Variants in KDM2B observed in about 807,000 individuals in gnomAD.
The protein encoded by KDM2B is lysine-specific demethylase 2B.
Under a neutral mutation model 150.0 loss-of-function variants are expected in KDM2B, and 26 were observed. The observed-to-expected ratio is 0.17, with a 90% CI of 0.13 to 0.24. The LOEUF (loss-of-function observed/expected upper bound fraction) is 0.24, where lower values mean the gene tolerates loss of function less well. Ranked by LOEUF, KDM2B falls within the 10% of genes least tolerant of loss-of-function variation. The probability of loss-of-function intolerance (pLI) is 1.00; values close to 1 mark genes in which losing one functional copy is unlikely to be tolerated. For synonymous variants in KDM2B, 734 were observed against 729.5 expected, an observed-to-expected ratio of 1.01 and a Z score of -0.10; for missense variants, 1,265 against 1,816.9, an observed-to-expected ratio of 0.70 and a Z score of 5.52.
At chr12:121,425,902 G>A (rs1287453384), downstream of KDM2B, among the ~76,000 whole-genome samples, 1 of 151,866 alleles carries the variant, frequency 6.6e-6, no homozygotes, top group Non-Finnish European at 1.5e-5. Context: ...AAGTAGCTGG[G>A]ACTACAGGCA....
At chr12:121,426,737 T>C (rs1872532322), downstream of KDM2B, among the ~76,000 whole-genome samples, 4 of 151,702 alleles carry the variant, frequency 2.6e-5, no homozygotes, top group South Asian at 8.3e-4. Context: ...GTGATTCTTC[T>C]GCCTTTTCCT....
Position 121,463,363 on chromosome 12 carries a change from A to G in KDM2B, c.1735-10019T>C, listed in dbSNP as rs1267816988. Among the ~76,000 whole-genome samples the G allele has an allele frequency of 2.0e-5, 3 of 152,168 alleles. No homozygotes were observed. The South Asian group carries it at 6.2e-4, about 31-fold the overall frequency. ...CAAATACCTAATGCATGTGGGGCTT[A>G]AAACCTAGATGATGGGTTGATAGGT... On this transcript the variant is annotated intron_variant, in intron 12 of 22. Coordinates refer to ENST00000377071, the MANE Select transcript of KDM2B (RefSeq NM_032590.5).
rs782741776 is a variant in KDM2B at position 121,494,685 on chromosome 12, C to A, written c.1648-20G>T. 2.5e-6 allele frequency: 4 copies of A among 1,590,684 alleles called. No homozygotes were observed. In the East Asian group the frequency reaches 9.1e-5, roughly 36 times the overall value. ...GACGTTCTGTGGCCAAACAAAGCATCCATATTAGCCCAGGGGGAAGGGGAG... is the reference window on the plus strand; with the variant it reads ...GACGTTCTGTGGCCAAACAAAGCATACATATTAGCCCAGGGGGAAGGGGAG... On this transcript the variant is annotated intron_variant, in intron 11 of 22. Transcript: ENST00000377071.
intron 12 of KDM2B, among the ~76,000 whole-genome samples, chr12:121,454,027 C>A (rs1316860372): frequency 6.6e-6 from 1 of 152,066 alleles, no homozygotes; most frequent in Non-Finnish European, 1.5e-5. Flanking sequence ...CAACCCCACC[C>A]CCGCCCAAGC....
intron 22 of KDM2B, among the ~76,000 whole-genome samples, chr12:121,439,381 T>A (rs1206514953): frequency 1.7e-5 from 1 of 59,378 alleles, no homozygotes; most frequent in African/African-American, 3.4e-5. Flanking sequence ...CAATGGTAAC[T>A]TTTTTTTTTT....
intron 13 of KDM2B, among the ~76,000 whole-genome samples, chr12:121,449,483 G>A (rs528416009): frequency 5.3e-5 from 8 of 152,232 alleles, no homozygotes; most frequent in South Asian, 2.1e-4. Flanking sequence ...AGTAGGAGAC[G>A]TAGAAAAATG....
chr12:121,436,452 C>T (rs942912212), intron 22 of KDM2B, among the ~76,000 whole-genome samples: 5 of 150,056 alleles, frequency 3.3e-5, no homozygotes, highest in Admixed American at 6.7e-5. Context: ...ACCTGGGAGG[C>T]GGAGCTTGTA....
downstream of KDM2B, among the ~76,000 whole-genome samples, chr12:121,426,220 A>G (rs1431055956): frequency 6.6e-6 from 1 of 152,220 alleles, no homozygotes; most frequent in African/African-American, 2.4e-5. Flanking sequence ...AGATTTGTGT[A>G]TTAAGTTTTA....
At chr12:121,512,154 G>A (rs1226235240) in intron 10 of KDM2B, among the ~76,000 whole-genome samples, 7 of 152,088 alleles carry the variant, frequency 4.6e-5, no homozygotes, top group African/African-American at 1.4e-4. Context: ...TGATCATAGC[G>A]GCTCTCACGC....
intron 12 of KDM2B, among the ~76,000 whole-genome samples, chr12:121,477,085 C>A (rs1207261444): frequency 2.6e-5 from 4 of 152,078 alleles, no homozygotes; most frequent in Non-Finnish European, 5.9e-5. Flanking sequence ...TAATTTGAAT[C>A]TTGTAGAGAC....
At chr12:121,488,249 A>C (rs1882987424) in intron 12 of KDM2B, among the ~76,000 whole-genome samples, 1 of 152,108 alleles carries the variant, frequency 6.6e-6, no homozygotes, top group Non-Finnish European at 1.5e-5. Context: ...CCTCTAAACC[A>C]TTCAGCCCCT....
chr12:121,570,322 G>C (rs1405689370), intron 4 of KDM2B, among the ~76,000 whole-genome samples: 1 of 152,038 alleles, frequency 6.6e-6, no homozygotes, highest in Non-Finnish European at 1.5e-5. Flanking sequence ...AAAGTGCTGG[G>C]ATTCCAAGCG....
At position 121,442,179 on chromosome 12, in the gene KDM2B, C is replaced by G; in HGVS notation, c.3262G>C (p.Val1088Leu). 1 of 1,613,660 alleles carries G rather than the reference C, an allele frequency of 6.2e-7. No individual in the cohort carries two copies. Among genetic ancestry groups the G allele is most frequent in the East Asian group, 2.2e-5 (1 of 44,878 alleles). ...CACCAGCGGTTCCAGGTCCTGCAGA[C>G]CCGCATGCACACACACAGGTCTTGG... is the stretch of plus-strand genomic sequence containing the variant. ...SHQDLCVCMR[V>L]CRTWNRWCCD... Residue 1088 changes from valine to leucine, a missense_variant, in exon 19 of 23, where the codon GTC (valine) becomes CTC (leucine). Coordinates refer to ENST00000377071, the MANE Select transcript of KDM2B (RefSeq NM_032590.5). The surrounding 1 kb of genome is among the most constrained non-coding windows in gnomAD (Gnocchi z 7.7).
chr12:121,467,323 C>T lies in KDM2B; in HGVS notation c.1735-13979G>A. ...CCTGGCTCGGGCTCGGGCTCGGGCT[C>T]GGGCTCCCGCTGCCGCGAGGAGGGA... On this transcript the variant is annotated intron_variant, in intron 12 of 22. Coordinates refer to ENST00000377071, the MANE Select transcript of KDM2B (RefSeq NM_032590.5). The surrounding 1 kb of genome is among the most constrained non-coding windows in gnomAD (Gnocchi z 5.1). The T allele has an allele frequency of 1.0e-6, 1 of 982,524 alleles. No homozygotes were observed. Among genetic ancestry groups the T allele is most frequent in the Non-Finnish European group, 1.2e-6 (1 of 828,960 alleles). The allele number at this position is 982,524 out of a possible 1,614,324, so 60.9% of individuals were successfully genotyped here.
chr12:121,565,074 C>A lies in KDM2B; in HGVS notation c.397+9473G>T, dbSNP rs1281765107. Among the ~76,000 whole-genome samples the A allele has an allele frequency of 2.6e-5, 4 of 152,028 alleles. No homozygotes were observed. The East Asian group carries it at 7.7e-4, about 29-fold the overall frequency. ...TCTCAAACTCCTAGACTCAAGCGAT[C>A]CTCCCTCCTAGGTCTCCGAAAGTGC... On this transcript the variant is annotated intron_variant, in intron 4 of 22. Transcript: ENST00000377071.
At chr12:121,448,319 C>CA (rs57261158) in intron 13 of KDM2B, among the ~76,000 whole-genome samples, 1,401 of 50,864 alleles carry the variant, frequency 0.028, 65 homozygotes, top group Middle Eastern at 0.067. Flanking sequence ...GACTCTGTCT[C>CA]AAAAAAAAAA....
chr12:121,527,348 TA>T (rs1466503742), intron 8 of KDM2B, among the ~76,000 whole-genome samples: 200 of 10,616 alleles, frequency 0.019, 7 homozygotes, highest in Non-Finnish European at 5.6e-3. Flanking sequence ...GTGCCCAGCC[TA>T]AAAAAAAATT....
chr12:121,453,378 G>T lies in KDM2B; in HGVS notation c.1735-34C>A, dbSNP rs1555292142. 6 of 1,506,628 alleles carry T rather than the reference G, an allele frequency of 4.0e-6. No individual in the cohort carries two copies. Among genetic ancestry groups the T allele is most frequent in the Non-Finnish European group, 4.5e-6 (5 of 1,115,724 alleles). The allele number at this position is 1,506,628 out of a possible 1,614,324, so 93.3% of individuals were successfully genotyped here. A position where few individuals can be genotyped will look rare whatever the true frequency, so the allele number is the denominator to read the frequency against. ...GAACAGACACGACTGGTCAGATGGG[G>T]AGACTGCAGGCACGGCCAGACCCCC... On this transcript the variant is annotated intron_variant, in intron 12 of 22. Transcript: ENST00000377071. This position sits in a 1 kb window ranked among gnomAD's most constrained non-coding sequence, Gnocchi z 6.4.
Position 121,444,119 on chromosome 12 carries a change from A to G in KDM2B, c.2344T>C (p.Ser782Pro), listed in dbSNP as rs1555289438. 1 of 1,613,434 alleles carries G rather than the reference A, an allele frequency of 6.2e-7. No individual in the cohort carries two copies. Among genetic ancestry groups the G allele is most frequent in the South Asian group, 1.1e-5 (1 of 91,086 alleles). Reference protein sequence around the residue: ...EAPRRRSDEHSKKVPPDGLLR... With the variant: ...EAPRRRSDEHPKKVPPDGLLR... ...AGGCCGTCCGGCGGCACCTTCTTCG[A>G]GTGCTCATCCGACCTGCGCCGGGGC... The change falls in exon 16 of 23, where the codon TCG (serine) becomes CCG (proline). Residue 782 changes from serine to proline, a missense_variant. Ser to Pro is a moderately conservative substitution (Grantham distance 74). Transcript: ENST00000377071.
Sources: gnomAD v4.1 joint callset for allele counts (sites outside exome capture counted in the v4.1 genomes callset) on GRCh38, gnomAD v4.1.1 for gene constraint, Gnocchi (gnomAD v3.1) non-coding constraint, MANE v1.5 for transcripts, NCBI Gene and HGNC (gene_info 2026-07-23, HGNC 2026-07-21) for gene names.